The following RALYL variants were observed in gnomAD, a reference collection of about 807,000 sequenced individuals.
The protein encoded by RALYL is RNA-binding Raly-like protein.
RALYL carries 29 observed loss-of-function variants against 35.1 expected under a neutral mutation model. The observed-to-expected ratio is 0.83, with a 90% CI of 0.61 to 1.13. The LOEUF (loss-of-function observed/expected upper bound fraction) is 1.13. Ranked by LOEUF, RALYL falls within the 50% of genes most tolerant of loss-of-function variation. The pLI, the probability that RALYL is intolerant of heterozygous loss-of-function variation, is 0.00. For synonymous variants in RALYL, 120 were observed against 127.6 expected (o/e 0.94, Z 0.40); for missense variants, 359 against 360.4 (o/e 1.00, Z 0.03).
At chr8:84,559,129 A>T (rs1292907395) in intron 2 of RALYL, among the ~76,000 whole-genome samples, 2 of 151,896 alleles carry the variant, frequency 1.3e-5, no homozygotes, top group Non-Finnish European at 2.9e-5. Flanking sequence ...TATTTTTTTT[A>T]AATTACTGAG....
At position 84,468,377 on chromosome 8, in the gene RALYL, G is replaced by A. The variant is rs1028375966; in HGVS notation, c.-23-60922G>A. On this transcript the variant is annotated intron_variant, in intron 1 of 8. Transcript: ENST00000521268. The stretch of plus-strand genomic sequence containing the variant: ...CTCTCAGCATTTGCTTGTCTGTAAA[G>A]TATTTTATTTCTCCTTCACTTATGA... Among the ~76,000 whole-genome samples the A allele has an allele frequency of 6.6e-5, 10 of 151,736 alleles. No individual in the cohort carries two copies. In the South Asian group the frequency reaches 1.7e-3, roughly 26 times the overall value.
rs534061714 is a variant in RALYL, at chr8:84,691,992, A to G, written c.257-82587A>G. On this transcript the variant is annotated intron_variant, in intron 2 of 8. Transcript: ENST00000521268. ...TTCACAATAAATGAGAAAAAATTATACATCAGTAGATATATTTGACCAAAT... is the reference window on the plus strand; with the variant it reads ...TTCACAATAAATGAGAAAAAATTATGCATCAGTAGATATATTTGACCAAAT... Among the ~76,000 whole-genome samples the G allele has an allele frequency of 1.1e-4, 17 of 152,186 alleles. No homozygotes were observed. In the East Asian group the frequency reaches 1.5e-3, roughly 14 times the overall value.
At chr8:84,638,871 A>AG (rs1825650615) in intron 2 of RALYL, among the ~76,000 whole-genome samples, 5 of 86,258 alleles carry the variant, frequency 5.8e-5, no homozygotes, top group Non-Finnish European at 9.9e-5. Context: ...TGCACGCATA[A>AG]ATATATATAT....
intron 7 of RALYL, among the ~76,000 whole-genome samples, chr8:84,878,032 C>A (rs1191598658): frequency 2.0e-5 from 3 of 152,072 alleles, no homozygotes; most frequent in Non-Finnish European, 4.4e-5. Flanking sequence ...CCTAGAAATC[C>A]AAGTCCAATT....
In RALYL at chr8:84,725,736, A is replaced by G. The variant is rs533657427; in HGVS notation, c.257-48843A>G. On this transcript the variant is annotated intron_variant, in intron 2 of 8. Coordinates refer to ENST00000521268, the MANE Select transcript of RALYL (RefSeq NM_173848.7). ...TTATTAAACTACCAGAATGCAGATA[A>G]ATGAAACCCATAATGAATAATACAG... Among the ~76,000 whole-genome samples the G allele has an allele frequency of 2.6e-5, 4 of 151,806 alleles. No homozygotes were observed. In the South Asian group the frequency reaches 8.3e-4, roughly 31 times the overall value.
intron 2 of RALYL, among the ~76,000 whole-genome samples, chr8:84,661,577 A>G (rs1157147777): frequency 6.6e-6 from 1 of 150,560 alleles, no homozygotes; most frequent in Non-Finnish European, 1.5e-5. Context: ...ATTTATGGCA[A>G]TAGTTTTTTG....
chr8:84,546,966 T>A (rs10106490), intron 2 of RALYL, among the ~76,000 whole-genome samples: 4,419 of 152,148 alleles, frequency 0.029, 107 homozygotes, highest in Middle Eastern at 0.078. Context: ...TTAATTTTTT[T>A]AATTTTACCT....
At chr8:84,343,069 T>C (rs1849161358) in intron 1 of RALYL, among the ~76,000 whole-genome samples, 1 of 152,142 alleles carries the variant, frequency 6.6e-6, no homozygotes, top group African/African-American at 2.4e-5. Flanking sequence ...ACAGCTGTGA[T>C]TCTTGCTATT....
intron 2 of RALYL, among the ~76,000 whole-genome samples, chr8:84,578,691 A>G (rs1810094787): frequency 6.6e-6 from 1 of 152,184 alleles, no homozygotes; most frequent in Admixed American, 6.5e-5. Flanking sequence ...ACAAGTCTCC[A>G]GCTCTCAGTG....
At chr8:84,905,320 C>T (rs1237237066) in intron 8 of RALYL, among the ~76,000 whole-genome samples, 2 of 152,120 alleles carry the variant, frequency 1.3e-5, no homozygotes, top group Non-Finnish European at 2.9e-5. Context: ...AAAATCCATC[C>T]GTCAGTGGAC....
At chr8:84,819,895 TAAA>T (rs993090812) in intron 4 of RALYL, among the ~76,000 whole-genome samples, 9 of 152,322 alleles carry the variant, frequency 5.9e-5, no homozygotes, top group African/African-American at 2.2e-4. Context: ...GTTCATATAA[TAAA>T]GTGTCACATT....
intron 8 of RALYL, among the ~76,000 whole-genome samples, chr8:84,908,528 C>T (rs972736405): frequency 1.3e-5 from 2 of 152,126 alleles, no homozygotes; most frequent in African/African-American, 2.4e-5. Context: ...AAAAGCCAGT[C>T]CTTCCTTCTT....
chr8:84,383,704 G>T (rs1858506840), intron 1 of RALYL, among the ~76,000 whole-genome samples: 1 of 150,202 alleles, frequency 6.7e-6, no homozygotes, highest in Non-Finnish European at 1.5e-5. Flanking sequence ...AGTCAGTGAA[G>T]ATCTGGGTTA....
intron 4 of RALYL, among the ~76,000 whole-genome samples, chr8:84,821,679 T>A (rs1414745565): frequency 6.6e-6 from 1 of 152,156 alleles, no homozygotes; most frequent in Non-Finnish European, 1.5e-5. Flanking sequence ...TTAATGACAT[T>A]TTCAAAGTAC....
intron 1 of RALYL, among the ~76,000 whole-genome samples, chr8:84,198,380 G>C (rs1815952153): frequency 6.6e-6 from 1 of 151,636 alleles, no homozygotes. Context: ...TTTTTATTTT[G>C]TGGGTACATG....
chr8:84,377,463 T>TTTTGTTTGTTTGTTTGTTTG (rs1563816433), intron 1 of RALYL, among the ~76,000 whole-genome samples: 1 of 145,482 alleles, frequency 6.9e-6, no homozygotes, highest in African/African-American at 2.7e-5. Flanking sequence ...TTTTTTTTTT[T>TTTTGTTTGTTTGTTTGTTTG]TTTTTTTTTT....
intron 1 of RALYL, among the ~76,000 whole-genome samples, chr8:84,408,601 T>C (rs1491562): frequency 0.03 from 4,495 of 152,232 alleles, 219 homozygotes; most frequent in African/African-American, 0.1. Flanking sequence ...GCTCTCTATG[T>C]AGTCATTCAA....
intron 1 of RALYL, among the ~76,000 whole-genome samples, chr8:84,429,918 C>G (rs750743416): frequency 6.6e-6 from 1 of 151,638 alleles, no homozygotes; most frequent in African/African-American, 2.4e-5. Flanking sequence ...ATAACTTATA[C>G]GTATTGCCCC....
intron 2 of RALYL, among the ~76,000 whole-genome samples, chr8:84,744,759 C>A (rs1026926406): frequency 2.6e-5 from 4 of 151,794 alleles, no homozygotes; most frequent in African/African-American, 7.3e-5. Context: ...TCATCTAATT[C>A]GGTGAAGAAT....
Sources: allele counts gnomAD v4.1 joint callset (sites outside exome capture counted in the v4.1 genomes callset), GRCh38; gene constraint gnomAD v4.1.1; transcripts MANE v1.5; gene names NCBI Gene and HGNC (gene_info 2026-07-23, HGNC 2026-07-21).